HTR1A: variants seen among roughly 807,000 people sequenced by gnomAD.
The protein encoded by HTR1A is 5-hydroxytryptamine receptor 1A, also known as 5-HT1a receptor.
In HTR1A, 17 loss-of-function variants were observed where a neutral mutation model predicts 24.6. The ratio of observed to expected loss-of-function variants is 0.69; its 90% CI spans 0.47 to 1.04. The LOEUF is 1.04. HTR1A is among the 50% of genes least tolerant of loss of function. HTR1A has a pLI of 0.00. For missense variants in HTR1A, 515 were observed against 565.1 expected (o/e 0.91, Z 0.90); for synonymous variants, 262 against 244.6 (o/e 1.07, Z -0.67).
rs761266205 is a variant in HTR1A at position 63,960,947 on chromosome 5, G to A, written c.773C>T (p.Ser258Leu). The A allele has an allele frequency of 7.4e-6, 12 of 1,613,992 alleles. No homozygotes were observed. The highest frequency in any genetic ancestry group is 8.5e-6 in the Non-Finnish European group (10 of 1,180,038). The stretch of plus-strand genomic sequence containing the variant: ...GCCCAGCCTCCAGTTCCTGCTCCCC[G>A]ACTCTCCATTCACACTCTTCTTGGG... ...PQPKKSVNGESGSRNWRLGVE... is the reference protein window; with the variant it reads ...PQPKKSVNGELGSRNWRLGVE... The change falls in exon 1 of 1, where the codon TCG (serine) becomes TTG (leucine). Residue 258 changes from serine to leucine, a missense_variant. Ser to Leu is a moderately radical substitution (Grantham distance 145). Around this residue, in one of 3 missense-constraint regions of HTR1A, gnomAD observed 381 missense variants for 384.5 expected, o/e 0.99. Coordinates refer to ENST00000323865, the MANE Select transcript of HTR1A (RefSeq NM_000524.4).
At position 63,959,842 on chromosome 5, in the gene HTR1A, G is replaced by T. The variant is rs546069647; in HGVS notation, c.*609C>A. Among the ~76,000 whole-genome samples, 221 of 152,316 alleles carry T rather than the reference G, an allele frequency of 1.5e-3. 2 individuals are homozygous for T. The highest frequency in any genetic ancestry group is 5.0e-3 in the African/African-American group (209 of 41,582). On this transcript the variant is annotated 3_prime_UTR_variant, in exon 1 of 1. Transcript: ENST00000323865. ...GAATCCCGGGGGCACCGCTGGCACG[G>T]GGAAAAGCAGCCTCTTCCGCCTCTC...
In HTR1A at chr5:63,960,893, C is replaced by G; in HGVS notation, c.827G>C (p.Cys276Ser). The G allele has an allele frequency of 6.2e-7, 1 of 1,613,908 alleles. No individual in the cohort carries two copies. Among genetic ancestry groups the G allele is most frequent in the Admixed American group, 1.7e-5 (1 of 60,022 alleles). The change falls in exon 1 of 1, where the codon TGC (cysteine) becomes TCC (serine). Residue 276 changes from cysteine to serine, a missense_variant. Cys to Ser is a moderately radical substitution (Grantham distance 112). Coordinates refer to ENST00000323865, the MANE Select transcript of HTR1A (RefSeq NM_000524.4). ...GVESKAGGAL[C>S]ANGAVRQGDD... Reference sequence around the variant, plus strand: ...ACCTTGCCTCACCGCGCCATTGGCGCACAGAGCACCCCCAGCCTTGCTCTC... The same window carrying G: ...ACCTTGCCTCACCGCGCCATTGGCGGACAGAGCACCCCCAGCCTTGCTCTC...
In HTR1A at chr5:63,962,051, T is replaced by A; in HGVS notation, c.-332A>T. On this transcript the variant is annotated 5_prime_UTR_variant, in exon 1 of 1. Transcript: ENST00000323865. Reference sequence around the variant, plus strand: ...CCATTTTACTTTGCCGCTCCCGAACTGGCTGCCGGAGCTGGAGTCTCCCCA... The same window carrying A: ...CCATTTTACTTTGCCGCTCCCGAACAGGCTGCCGGAGCTGGAGTCTCCCCA... 2.3e-6 allele frequency: 1 copy of A among 430,316 alleles called. No homozygotes were observed. Among genetic ancestry groups the A allele is most frequent in the South Asian group, 2.1e-5 (1 of 46,678 alleles). The allele number at this position is 430,316 out of a possible 1,614,324, so 26.7% of individuals were successfully genotyped here. A position where few individuals can be genotyped will look rare whatever the true frequency, so the allele number is the denominator to read the frequency against.
chr5:63,960,987 A>G lies in HTR1A; in HGVS notation c.733T>C (p.Ser245Pro). The G allele has an allele frequency of 1.2e-6, 2 of 1,614,116 alleles. No homozygotes were observed. Among genetic ancestry groups the G allele is most frequent in the Non-Finnish European group, 1.7e-6 (2 of 1,180,016 alleles). Residue 245 changes from serine (S) to proline (P), a missense_variant, in exon 1 of 1, where the codon TCT (serine) becomes CCT (proline). Coordinates refer to ENST00000323865, the MANE Select transcript of HTR1A (RefSeq NM_000524.4). ...KTGADTRHGA[S>P]PAPQPKKSVN... ...CTCTTCTTGGGCTGCGGGGCGGGAG[A>G]TGCTCCATGGCGGGTGTCCGCTCCG...
chr5:63,961,867 C>G lies in HTR1A; in HGVS notation c.-148G>C. 1 of 771,750 alleles carries G rather than the reference C, an allele frequency of 1.3e-6. No individual in the cohort carries two copies. Among genetic ancestry groups the G allele is most frequent in the Non-Finnish European group, 2.2e-6 (1 of 455,878 alleles). 47.8% of individuals were successfully genotyped at this position (771,750 alleles called of 1,614,324 possible). A position where few individuals can be genotyped will look rare whatever the true frequency, so the allele number is the denominator to read the frequency against. On this transcript the variant is annotated 5_prime_UTR_variant, in exon 1 of 1. Coordinates refer to ENST00000323865, the MANE Select transcript of HTR1A (RefSeq NM_000524.4). ...CCCAAGCAGGAAGTTCTTACTGCTT[C>G]GGCGAAGGGTATCTCCGAGGAGCAG...
chr5:63,962,016 C>G lies in HTR1A; in HGVS notation c.-297G>C. 1 of 500,130 alleles carries G rather than the reference C, an allele frequency of 2.0e-6. No homozygotes were observed. Among genetic ancestry groups the G allele is most frequent in the Non-Finnish European group, 3.7e-6 (1 of 273,706 alleles). 31.0% of individuals were successfully genotyped at this position (500,130 alleles called of 1,614,324 possible). On this transcript the variant is annotated 5_prime_UTR_variant, in exon 1 of 1. Transcript: ENST00000323865. The stretch of plus-strand genomic sequence containing the variant: ...GCGGAGAGGTGGCTGGAACGTCTGT[C>G]TGTCGCTGTCCATTTTACTTTGCCG...
rs372962077 is a variant in HTR1A at position 63,961,667 on chromosome 5, G to A, written c.53C>T (p.Pro18Leu). 5 of 1,613,842 alleles carry A rather than the reference G, an allele frequency of 3.1e-6. No homozygotes were observed. Among genetic ancestry groups the A allele is most frequent in the Non-Finnish European group, 3.4e-6 (4 of 1,180,044 alleles). ...QGNNTTSPPA[P>L]FETGGNTTGI... ...AGTAGTGTTGCCGCCGGTCTCAAAG[G>A]GAGCCGGTGGTGATGTGGTGTTGTT... Residue 18 changes from proline to leucine, a missense_variant, in exon 1 of 1, where the codon CCC becomes CTC. By Grantham distance (98) the Pro-to-Leu change is moderately conservative (BLOSUM62 -3). Transcript: ENST00000323865.
rs1179380506 is a variant in HTR1A at position 63,962,097 on chromosome 5, C to A, written c.-378G>T. On this transcript the variant is annotated 5_prime_UTR_variant, in exon 1 of 1. Transcript: ENST00000323865. ...CCCCACTAGCAAACAGTCTCCAATC[C>A]CAGAAATATCTAGAACCGAGAAGCC... 5.4e-6 allele frequency: 2 copies of A among 369,428 alleles called. No homozygotes were observed. The highest frequency in any genetic ancestry group is 6.7e-5 in the East Asian group (1 of 14,842). 22.9% of individuals were successfully genotyped at this position (369,428 alleles called of 1,614,324 possible).
In HTR1A at chr5:63,961,071, G is replaced by A. The variant is rs1406728369; in HGVS notation, c.649C>T (p.Arg217Cys). 6.2e-7 allele frequency: 1 copy of A among 1,614,238 alleles called. No individual in the cohort carries two copies. The highest frequency in any genetic ancestry group is 8.5e-7 in the Non-Finnish European group (1 of 1,180,054). Reference protein sequence around the residue: ...PLLLMLVLYGRIFRAARFRIR... With the variant: ...PLLLMLVLYGCIFRAARFRIR... Reference sequence around the variant, plus strand: ...CGGAAGCGCGCAGCTCGGAATATGCGCCCATAGAGAACCAGCATGAGCAGC... The same window carrying A: ...CGGAAGCGCGCAGCTCGGAATATGCACCCATAGAGAACCAGCATGAGCAGC... Residue 217 changes from arginine (R) to cysteine (C), a missense_variant, in exon 1 of 1, where the codon CGC (arginine) becomes TGC (cysteine). Physicochemically the swap from Arg to Cys is radical, Grantham distance 180. Transcript: ENST00000323865.
rs796795398 is a variant in HTR1A at position 63,959,735 on chromosome 5, T to C, written c.*716A>G. ...ACTCTAAAAGATACCTTCTAGCCACTTGCTTTGAGTCCAAGGAAACAAAGG... is the reference window on the plus strand; with the variant it reads ...ACTCTAAAAGATACCTTCTAGCCACCTGCTTTGAGTCCAAGGAAACAAAGG... On this transcript the variant is annotated 3_prime_UTR_variant, in exon 1 of 1. Transcript: ENST00000323865. 1.2e-4 allele frequency among the ~76,000 whole-genome samples: 18 copies of C among 152,298 alleles called. No individual in the cohort carries two copies. The highest frequency in any genetic ancestry group is 4.3e-4 in the African/African-American group (18 of 41,582).
rs1746445831 is a variant in HTR1A at position 63,961,732 on chromosome 5, G to C, written c.-13C>G. The stretch of plus-strand genomic sequence containing the variant: ...TGAGCACATCCATGCCTGCGCGCCC[G>C]GCGCGGGAAGGGGGAGGGAAGAAAA... On this transcript the variant is annotated 5_prime_UTR_variant, in exon 1 of 1. Coordinates refer to ENST00000323865, the MANE Select transcript of HTR1A (RefSeq NM_000524.4). 1 of 1,613,692 alleles carries C rather than the reference G, an allele frequency of 6.2e-7. No individual in the cohort carries two copies. Among genetic ancestry groups the C allele is most frequent in the South Asian group, 1.1e-5 (1 of 91,072 alleles).
rs1474846158 is a variant in HTR1A at position 63,959,214 on chromosome 5, G to A, written c.*1237C>T. Among the ~76,000 whole-genome samples the A allele has an allele frequency of 6.6e-6, 1 of 152,222 alleles. No homozygotes were observed. The highest frequency in any genetic ancestry group is 1.5e-5 in the Non-Finnish European group (1 of 68,032). Reference sequence around the variant, plus strand: ...ACTGGGGGAGCCAGCTGGAGCCTTGGGCACGCGCGCCCTGGGGAACCTTTC... The same window carrying A: ...ACTGGGGGAGCCAGCTGGAGCCTTGAGCACGCGCGCCCTGGGGAACCTTTC... On this transcript the variant is annotated 3_prime_UTR_variant, in exon 1 of 1. Coordinates refer to ENST00000323865, the MANE Select transcript of HTR1A (RefSeq NM_000524.4).
chr5:63,960,862 A>G lies in HTR1A; in HGVS notation c.858T>C (p.Asp286=), dbSNP rs199635945. ...CCTCGATCACCTCCAGGGCGGCGCC[A>G]TCGTCACCTTGCCTCACCGCGCCAT... ...CANGAVRQGD[D]GAALEVIEVH... is the part of the protein sequence containing the mutation. Residue 286 remains aspartate (D), a synonymous_variant, in exon 1 of 1, where the codon GAT becomes GAC. Transcript: ENST00000323865. 3.1e-4 allele frequency: 505 copies of G among 1,614,074 alleles called. 8 individuals carry two copies. The South Asian group carries it at 3.8e-3, about 12-fold the overall frequency.
rs200109456 is a variant in HTR1A at position 63,961,743 on chromosome 5, G to T, written c.-24C>A. 23 of 1,613,346 alleles carry T rather than the reference G, an allele frequency of 1.4e-5. No individual in the cohort carries two copies. In the African/African-American group the frequency reaches 1.9e-4, roughly 13 times the overall value. ...ATGCCTGCGCGCCCGGCGCGGGAAG[G>T]GGGAGGGAAGAAAAAGCAGCGCGAA... On this transcript the variant is annotated 5_prime_UTR_variant, in exon 1 of 1. Coordinates refer to ENST00000323865, the MANE Select transcript of HTR1A (RefSeq NM_000524.4).
chr5:63,961,822 G>T lies in HTR1A; in HGVS notation c.-103C>A. 2 of 1,229,214 alleles carry T rather than the reference G, an allele frequency of 1.6e-6. No individual in the cohort carries two copies. Among genetic ancestry groups the T allele is most frequent in the Non-Finnish European group, 2.4e-6 (2 of 843,708 alleles). The allele number at this position is 1,229,214 out of a possible 1,614,324, so 76.1% of individuals were successfully genotyped here. On this transcript the variant is annotated 5_prime_UTR_variant, in exon 1 of 1. Transcript: ENST00000323865. ...TTCCGCCCTTCTCCTGGGAAGTTTC[G>T]GAGGAAGGGAATGCAGAGACCCAAG...
At position 63,960,643 on chromosome 5, in the gene HTR1A, C is replaced by G. The variant is rs1746409421; in HGVS notation, c.1077G>C (p.Leu359=). Residue 359 remains leucine (L), a synonymous_variant, in exon 1 of 1, where the codon CTG becomes CTC. Transcript: ENST00000323865. ...GAACAAGAGCCACGATGAAGAAGGG[C>G]AGCCAGCAGAGGATGAAGGTGCCCA... ...IIMGTFILCW[L]PFFIVALVLP... 2 of 1,614,118 alleles carry G rather than the reference C, an allele frequency of 1.2e-6. No homozygotes were observed. Among genetic ancestry groups the G allele is most frequent in the South Asian group, 2.2e-5 (2 of 91,096 alleles).
Position 63,960,571 on chromosome 5 carries a change from GGC to G in HTR1A, c.1147_1148del (p.Ala383HisfsTer13), listed in dbSNP as rs1406120338. 9.3e-6 allele frequency: 15 copies of G among 1,614,074 alleles called. No homozygotes were observed. The highest frequency in any genetic ancestry group is 2.7e-5 in the African/African-American group (2 of 74,922). On this transcript the variant is annotated frameshift_variant, in exon 1 of 1. Transcript: ENST00000323865. LOFTEE classifies it high-confidence loss of function. Reference sequence around the variant, plus strand: ...TGGAGTAGCCCAGCCAATTGATTATGGCGCCCAACAGGGTGGGCATGTGGCAG... The same window carrying G: ...TGGAGTAGCCCAGCCAATTGATTATGGCCCAACAGGGTGGGCATGTGGCAG... ...SSCHMPTLLGAIINWLGYSNS... is the reference protein window; with the variant it reads ...SSCHMPTLLGXIINWLGYSNS...
rs1029046608 is a variant in HTR1A, at chr5:63,960,971, G to T, written c.749C>A (p.Pro250His). ...CGACTCTCCATTCACACTCTTCTTG[G>T]GCTGCGGGGCGGGAGATGCTCCATG... ...TRHGASPAPQ[P>H]KKSVNGESGS... Residue 250 changes from proline to histidine, a missense_variant, in exon 1 of 1, where the codon CCC (proline) becomes CAC (histidine). Physicochemically the swap from Pro to His is moderately conservative, Grantham distance 77 (BLOSUM62 -2). Transcript: ENST00000323865. 5 of 1,614,198 alleles carry T rather than the reference G, an allele frequency of 3.1e-6. No individual in the cohort carries two copies. The African/African-American group carries it at 4.0e-5, about 13-fold the overall frequency.
chr5:63,961,265 C>T lies in HTR1A; in HGVS notation c.455G>A (p.Arg152His), dbSNP rs201954577. The T allele has an allele frequency of 6.2e-7, 1 of 1,614,154 alleles. No homozygotes were observed. Among genetic ancestry groups the T allele is most frequent in the South Asian group, 1.1e-5 (1 of 91,078 alleles). Residue 152 changes from arginine (R) to histidine (H), a missense_variant, in exon 1 of 1, where the codon CGC becomes CAC. Physicochemically the swap from Arg to His is conservative, Grantham distance 29. Around this residue, in one of 3 missense-constraint regions of HTR1A, gnomAD observed 381 missense variants for 384.5 expected, o/e 0.99. Coordinates refer to ENST00000323865, the MANE Select transcript of HTR1A (RefSeq NM_000524.4). ...IDYVNKRTPR[R>H]AAALISLTWL... is the part of the protein sequence containing the mutation. Reference sequence around the variant, plus strand: ...AGTGAGCGAGATGAGCGCAGCGGCGCGCCGGGGCGTCCTCTTGTTCACGTA... The same window carrying T: ...AGTGAGCGAGATGAGCGCAGCGGCGTGCCGGGGCGTCCTCTTGTTCACGTA...
Sources: allele counts gnomAD v4.1 joint callset (sites outside exome capture counted in the v4.1 genomes callset), GRCh38; gene constraint gnomAD v4.1.1; regional missense constraint gnomAD v4.1.1; transcripts MANE v1.5; gene names NCBI Gene and HGNC (gene_info 2026-07-23, HGNC 2026-07-21).